BACH2: variants seen among roughly 807,000 people sequenced by gnomAD.
The protein encoded by BACH2 is BACH transcriptional regulator 2, also known as transcription regulator protein BACH2.
In BACH2, 5 loss-of-function variants were observed where a neutral mutation model predicts 61.8. The observed-to-expected ratio is 0.08, with a 90% CI of 0.04 to 0.17. The LOEUF (loss-of-function observed/expected upper bound fraction) is 0.17. BACH2 is among the 10% of genes least tolerant of loss of function. The pLI is 1.00. For synonymous variants in BACH2, 446 were observed against 440.1 expected (o/e 1.01, Z -0.17); for missense variants, 824 against 1,091.1 (o/e 0.76, Z 3.45).
intron 6 of BACH2, among the ~76,000 whole-genome samples, chr6:89,961,772 C>A (rs886442750): frequency 3.3e-5 from 5 of 152,208 alleles, no homozygotes; most frequent in African/African-American, 9.7e-5. Context: ...TGCGACTACA[C>A]CCCTGGCAGA....
intron 6 of BACH2, among the ~76,000 whole-genome samples, chr6:90,004,674 C>T (rs1273138621): frequency 6.6e-6 from 1 of 152,202 alleles, no homozygotes; most frequent in African/African-American, 2.4e-5. Context: ...AGTTGTGATG[C>T]TACTTCCGTC....
chr6:90,039,407 T>C (rs1011820437), intron 5 of BACH2, among the ~76,000 whole-genome samples: 6 of 152,084 alleles, frequency 3.9e-5, no homozygotes, highest in African/African-American at 1.4e-4. Context: ...TTTTTTGAGA[T>C]GGAGTCTCAC....
intron 6 of BACH2, among the ~76,000 whole-genome samples, chr6:89,972,757 G>A (rs886180414): frequency 6.6e-6 from 1 of 151,946 alleles, no homozygotes; most frequent in Non-Finnish European, 1.5e-5. Flanking sequence ...CTGGCAATGA[G>A]AAAGAGGTGA....
intron 4 of BACH2, among the ~76,000 whole-genome samples, chr6:90,103,696 T>C (rs1782777476): frequency 6.6e-6 from 1 of 152,154 alleles, no homozygotes; most frequent in Non-Finnish European, 1.5e-5. Context: ...CTCACTATCA[T>C]CTTGAAAACA....
intron 7 of BACH2, among the ~76,000 whole-genome samples, chr6:89,943,863 T>C (rs1012897492): frequency 5.9e-5 from 9 of 152,278 alleles, no homozygotes; most frequent in Non-Finnish European, 1.2e-4. Context: ...GAGACACTGA[T>C]GGTGTGGTCA....
intron 4 of BACH2, chr6:90,116,629 G>A (rs1783412404): frequency 3.9e-6 from 1 of 255,786 alleles, no homozygotes. Context: ...TAAAAAAAGA[G>A]AATCATACAG....
chr6:90,180,234 CA>C (rs1038893426), intron 4 of BACH2, among the ~76,000 whole-genome samples: 4 of 151,466 alleles, frequency 2.6e-5, no homozygotes, highest in East Asian at 1.9e-4. Context: ...CTATTATGCA[CA>C]AAAAAACTAA....
At chr6:90,247,153 A>G (rs753845262) in intron 3 of BACH2, among the ~76,000 whole-genome samples, 24 of 152,184 alleles carry the variant, frequency 1.6e-4, no homozygotes, top group Non-Finnish European at 2.9e-4. Flanking sequence ...GTTTACAAGG[A>G]TGAAGCTCTT....
chr6:90,103,023 ATATATATTT>A (rs1291317828), intron 4 of BACH2, among the ~76,000 whole-genome samples: 1 of 28,294 alleles, frequency 3.5e-5, no homozygotes, highest in African/African-American at 2.1e-4. Context: ...ATATATATAT[ATATATATTT>A]TTTTTTTTTT....
intron 5 of BACH2, among the ~76,000 whole-genome samples, chr6:90,046,208 A>T (rs1187936310): frequency 6.6e-6 from 1 of 152,220 alleles, no homozygotes; most frequent in African/African-American, 2.4e-5. Flanking sequence ...AAAAGAGCAA[A>T]ATTGTGTGGA....
At chr6:90,118,933 G>A (rs1359929003) in intron 4 of BACH2, among the ~76,000 whole-genome samples, 1 of 152,066 alleles carries the variant, frequency 6.6e-6, no homozygotes, top group African/African-American at 2.4e-5. Flanking sequence ...ACCATAAAAT[G>A]GAGATAATAG....
intron 8 of BACH2, among the ~76,000 whole-genome samples, chr6:89,933,671 T>C (rs865914616): frequency 6.6e-6 from 1 of 152,128 alleles, no homozygotes; most frequent in South Asian, 2.1e-4. Context: ...AGTTTTGCTG[T>C]GAACCTAAAA....
At chr6:90,214,270 T>C (rs1362499499) in intron 3 of BACH2, among the ~76,000 whole-genome samples, 1 of 152,156 alleles carries the variant, frequency 6.6e-6, no homozygotes, top group South Asian at 2.1e-4. Context: ...ACTAACCATG[T>C]CTTATTTACC....
rs540715428 is a variant in BACH2, at chr6:90,056,076, G to T, written c.-13+32885C>A. 5.7e-3 allele frequency among the ~76,000 whole-genome samples: 870 copies of T among 152,096 alleles called. 10 individuals carry two copies. The highest frequency in any genetic ancestry group is 0.02 in the African/African-American group (830 of 41,448). On this transcript the variant is annotated intron_variant, in intron 5 of 8. Coordinates refer to ENST00000257749, the MANE Select transcript of BACH2 (RefSeq NM_021813.4). ...AAACTGCATCAACTAACCAGCAAAA[G>T]AACCAGCTAACATCATAATGACAGG... is the stretch of plus-strand genomic sequence containing the variant.
chr6:90,201,710 A>C (rs1738213743), intron 4 of BACH2, among the ~76,000 whole-genome samples: 1 of 152,194 alleles, frequency 6.6e-6, no homozygotes, highest in Non-Finnish European at 1.5e-5. Context: ...CTGACACTAG[A>C]AATTAATAAG....
chr6:90,021,278 TA>T (rs1778356375), intron 5 of BACH2, among the ~76,000 whole-genome samples: 1 of 114,940 alleles, frequency 8.7e-6, no homozygotes, highest in African/African-American at 3.4e-5. Flanking sequence ...GTTCTGCAGG[TA>T]AAAGTATAAA....
intron 6 of BACH2, among the ~76,000 whole-genome samples, chr6:89,989,634 C>G (rs138288664): frequency 6.6e-6 from 1 of 152,252 alleles, no homozygotes; most frequent in East Asian, 1.9e-4. Flanking sequence ...AGGCTCATCA[C>G]CTCCATCAAG....
intron 5 of BACH2, among the ~76,000 whole-genome samples, chr6:90,055,767 G>A (rs1214101245): frequency 1.3e-5 from 2 of 152,162 alleles, no homozygotes; most frequent in African/African-American, 4.8e-5. Flanking sequence ...CAGACTAACA[G>A]CTGATCTCTC....
intron 4 of BACH2, among the ~76,000 whole-genome samples, chr6:90,192,872 A>G (rs1345775713): frequency 6.6e-6 from 1 of 152,272 alleles, no homozygotes; most frequent in African/African-American, 2.4e-5. Context: ...ATGCTAGAAT[A>G]GGATTCTCAA....
Sources: gnomAD v4.1 joint callset for allele counts (sites outside exome capture counted in the v4.1 genomes callset) on GRCh38, gnomAD v4.1.1 for gene constraint, MANE v1.5 for transcripts, NCBI Gene and HGNC (gene_info 2026-07-23, HGNC 2026-07-21) for gene names.